The following RAPGEF5 variants were observed in gnomAD, a reference collection of about 807,000 sequenced individuals.
RAPGEF5 encodes the protein M-Ras-regulated GEF.
A neutral mutation model predicts 125.2 loss-of-function variants in RAPGEF5; 65 were observed. The ratio of observed to expected loss-of-function variants is 0.52; its 90% CI spans 0.43 to 0.64. RAPGEF5 has a LOEUF of 0.64. Among genes scored for constraint, RAPGEF5 ranks in the 30% least tolerant of loss-of-function variants. The probability of loss-of-function intolerance (pLI) is 0.00; values close to 1 mark genes in which losing one functional copy is unlikely to be tolerated. For missense variants in RAPGEF5, 958 were observed against 1,048.1 expected, an observed-to-expected ratio of 0.91 and a Z score of 1.19; for synonymous variants, 391 against 385.9, an observed-to-expected ratio of 1.01 and a Z score of -0.16.
At chr7:22,193,286 A>C (rs1785052804) in intron 11 of RAPGEF5, 81 bp downstream of exon 11, 2 of 1,445,072 alleles carry the variant, frequency 1.4e-6, no homozygotes, top group Non-Finnish European at 9.3e-7. Context: ...TTCAGCTAAC[A>C]GTGGGAACCT....
chr7:22,259,799 A>G (rs1459805005), intron 7 of RAPGEF5, among the ~76,000 whole-genome samples: 1 of 152,252 alleles, frequency 6.6e-6, no homozygotes, highest in African/African-American at 2.4e-5. Flanking sequence ...CGGAGAGAGT[A>G]AAAAGATTAA....
intron 16 of RAPGEF5, 139 bp downstream of exon 16, chr7:22,156,671 C>A: frequency 7.5e-7 from 1 of 1,338,772 alleles, no homozygotes; most frequent in Non-Finnish European, 1.0e-6. Flanking sequence ...AAAGAAAAAC[C>A]ATGCTGTTTG....
chr7:22,271,501 G>A (rs1347609561), intron 6 of RAPGEF5, among the ~76,000 whole-genome samples: 2 of 152,240 alleles, frequency 1.3e-5, no homozygotes, highest in African/African-American at 2.4e-5. Context: ...GTAGCAGTTC[G>A]ACAGACAAGA....
In RAPGEF5 at chr7:22,118,486, A is replaced by ATG. The variant is rs1782470000; in HGVS notation, c.*3919_*3920insCA. The ATG allele has an allele frequency of 6.6e-6, 1 of 152,642 alleles. No individual in the cohort carries two copies. Among genetic ancestry groups the ATG allele is most frequent in the Non-Finnish European group, 1.5e-5 (1 of 68,036 alleles). 9.5% of individuals were successfully genotyped at this position (152,642 alleles called of 1,614,324 possible). A position where few individuals can be genotyped will look rare whatever the true frequency, so the allele number is the denominator to read the frequency against. ...ACAGTCATATACATATATATTATAT[A>ATG]TATACACAGAGGCAGAAAGCATGGA... is the stretch of plus-strand genomic sequence containing the variant. On this transcript the variant is annotated 3_prime_UTR_variant, in exon 26 of 26. Coordinates refer to ENST00000665637, the MANE Select transcript of RAPGEF5 (RefSeq NM_012294.5).
In RAPGEF5 at chr7:22,120,322, C is replaced by T. The variant is rs1782546820; in HGVS notation, c.*2084G>A. 1 of 152,262 alleles carries T rather than the reference C, an allele frequency of 6.6e-6. No individual in the cohort carries two copies. Among genetic ancestry groups the T allele is most frequent in the Non-Finnish European group, 1.5e-5 (1 of 68,048 alleles). The allele number at this position is 152,262 out of a possible 1,614,324, so 9.4% of individuals were successfully genotyped here. A position where few individuals can be genotyped will look rare whatever the true frequency, so the allele number is the denominator to read the frequency against. On this transcript the variant is annotated 3_prime_UTR_variant, in exon 26 of 26. Coordinates refer to ENST00000665637, the MANE Select transcript of RAPGEF5 (RefSeq NM_012294.5). The surrounding 1 kb of genome is among the most constrained non-coding windows in gnomAD (Gnocchi z 4.0). ...CATCTGGCTTGGTGGGCATATCTGA[C>T]TTGGGGTCTGAGCAGCATGCAATAT...
intron 6 of RAPGEF5, among the ~76,000 whole-genome samples, chr7:22,287,615 A>AT (rs2128146435): frequency 6.6e-6 from 1 of 152,340 alleles, no homozygotes; most frequent in South Asian, 2.1e-4. Flanking sequence ...GCAACTCTGC[A>AT]TTACAGACGT....
rs1265962194 is a variant in RAPGEF5, at chr7:22,260,531, G to GC, written c.796+6432_796+6433insG. Among the ~76,000 whole-genome samples, 7 of 88,428 alleles carry GC rather than the reference G, an allele frequency of 7.9e-5. No homozygotes were observed. In the East Asian group the frequency reaches 3.6e-3, roughly 46 times the overall value. The allele number at this position is 88,428 out of a possible 152,430, so 58.0% of individuals were successfully genotyped here. ...TCACACAATGCAGAAATTAGGACCA[G>GC]TAAAAAAAAAAAAAAAGATATTACA... On this transcript the variant is annotated intron_variant, in intron 7 of 25. Transcript: ENST00000665637.
chr7:22,144,060 G>A (rs1179221590), intron 20 of RAPGEF5, among the ~76,000 whole-genome samples: 1 of 152,252 alleles, frequency 6.6e-6, no homozygotes, highest in Non-Finnish European at 1.5e-5. Flanking sequence ...AGGAGCTGGG[G>A]AAGATTTTGA....
rs1487615182 is a variant in RAPGEF5 at position 22,355,536 on chromosome 7, C to CA, written c.231+1293dup. ...CACATTTCCTCACTTACTTTGCAGG[C>CA]AATCCTAAATGCCACACATGTTAAG... On this transcript the variant is annotated intron_variant, in intron 1 of 25. Transcript: ENST00000665637. Among the ~76,000 whole-genome samples, 10 of 152,306 alleles carry CA rather than the reference C, an allele frequency of 6.6e-5. No individual in the cohort carries two copies. In the East Asian group the frequency reaches 1.7e-3, roughly 26 times the overall value.
At chr7:22,144,434 T>G (rs1783363099) in intron 20 of RAPGEF5, among the ~76,000 whole-genome samples, 1 of 152,252 alleles carries the variant, frequency 6.6e-6, no homozygotes, top group African/African-American at 2.4e-5. Context: ...AATATTTGAC[T>G]GAGGTCTTGA....
chr7:22,136,022 G>A lies in RAPGEF5; in HGVS notation c.2416+16C>T. ...AAATATGAAATTACATGGCATAAAA[G>A]ATAGAAAATCATTACCTTTAAGCAA... On this transcript the variant is annotated intron_variant, in intron 23 of 25. Transcript: ENST00000665637. 1 of 1,560,006 alleles carries A rather than the reference G, an allele frequency of 6.4e-7. No homozygotes were observed. The highest frequency in any genetic ancestry group is 2.3e-5 in the East Asian group (1 of 44,408).
intron 22 of RAPGEF5, among the ~76,000 whole-genome samples, chr7:22,136,699 GAA>G (rs761235024): frequency 2.0e-5 from 3 of 152,084 alleles, no homozygotes; most frequent in African/African-American, 4.8e-5. Flanking sequence ...CCTGCCTTCT[GAA>G]AAAATCACAC....
intron 6 of RAPGEF5, among the ~76,000 whole-genome samples, chr7:22,285,721 G>A (rs1782781447): frequency 6.6e-6 from 1 of 152,222 alleles, no homozygotes; most frequent in African/African-American, 2.4e-5. Context: ...GAAGTTTCAG[G>A]TGAAAGATGA....
At chr7:22,332,080 A>C (rs1253464509) in intron 1 of RAPGEF5, among the ~76,000 whole-genome samples, 1 of 152,226 alleles carries the variant, frequency 6.6e-6, no homozygotes, top group Non-Finnish European at 1.5e-5. Context: ...TTATGATGAA[A>C]AATTTTATCT....
chr7:22,300,575 A>G (rs1302537220), intron 5 of RAPGEF5, among the ~76,000 whole-genome samples: 2 of 152,182 alleles, frequency 1.3e-5, no homozygotes, highest in South Asian at 2.1e-4. Flanking sequence ...TCAGTTTTCA[A>G]TGCCTTTTCT....
Position 22,310,075 on chromosome 7 carries a change from C to T in RAPGEF5, c.405G>A (p.Gly135=). 1.3e-6 allele frequency: 2 copies of T among 1,580,362 alleles called. No homozygotes were observed. Among genetic ancestry groups the T allele is most frequent in the Non-Finnish European group, 1.7e-6 (2 of 1,167,380 alleles). ...LKGFYRRSCV[G]SELVDWLLEH... ...CTAGAAGCCAGTCTACCAGCTCTGA[C>T]CCAACGCAGCTCCTCCTGAACAAAA... The change falls in exon 4 of 26, where the codon GGG becomes GGA. Residue 135 remains glycine, a synonymous_variant. Transcript: ENST00000665637.
At chr7:22,267,783 T>C (rs551219221) in intron 6 of RAPGEF5, among the ~76,000 whole-genome samples, 2 of 151,882 alleles carry the variant, frequency 1.3e-5, no homozygotes, top group South Asian at 4.1e-4. Context: ...AATTCCATAA[T>C]GAGGAAGCTC....
intron 6 of RAPGEF5, among the ~76,000 whole-genome samples, chr7:22,288,994 T>A (rs1782867377): frequency 6.6e-6 from 1 of 152,192 alleles, no homozygotes; most frequent in East Asian, 1.9e-4. Context: ...ACTTTCTCAT[T>A]CCTATGCTTG....
At chr7:22,151,204 T>C (rs1184304295) in intron 17 of RAPGEF5, among the ~76,000 whole-genome samples, 1 of 152,172 alleles carries the variant, frequency 6.6e-6, no homozygotes. Context: ...AAATGGGATC[T>C]ATTATTATAG....
Sources: gnomAD v4.1 joint callset for allele counts (sites outside exome capture counted in the v4.1 genomes callset) on GRCh38, gnomAD v4.1.1 for gene constraint, Gnocchi (gnomAD v3.1) non-coding constraint, MANE v1.5 for transcripts, NCBI Gene and HGNC (gene_info 2026-07-23, HGNC 2026-07-21) for gene names.